Variants in IQCM observed in about 807,000 individuals in gnomAD.
IQCM encodes the protein IQ motif containing M.
In IQCM, 45 loss-of-function variants were observed where a neutral mutation model predicts 57.6. The ratio of observed to expected loss-of-function variants is 0.78; its 90% CI spans 0.62 to 1.00. IQCM has a LOEUF of 1.00. Ranked by LOEUF, IQCM falls within the 50% of genes least tolerant of loss-of-function variation. The pLI, the probability that IQCM is intolerant of heterozygous loss-of-function variation, is 0.00. For synonymous variants in IQCM, 148 were observed against 158.9 expected, an observed-to-expected ratio of 0.93 and a Z score of 0.51; for missense variants, 468 against 511.6, an observed-to-expected ratio of 0.91 and a Z score of 0.82.
intron 13 of IQCM, among the ~76,000 whole-genome samples, chr4:149,430,766 G>C (rs1277660220): frequency 2.0e-5 from 3 of 151,862 alleles, no homozygotes. Context: ...TATTTGAGTT[G>C]TTTCTATTAG....
intron 8 of IQCM, among the ~76,000 whole-genome samples, chr4:149,612,576 AC>A (rs1374677082): frequency 6.6e-6 from 1 of 152,148 alleles, no homozygotes; most frequent in Non-Finnish European, 1.5e-5. Flanking sequence ...CAAAGCAGGA[AC>A]AATTCCTGTG....
At chr4:149,674,392 T>C (rs1054158671) in intron 7 of IQCM, among the ~76,000 whole-genome samples, 1 of 152,150 alleles carries the variant, frequency 6.6e-6, no homozygotes, top group Non-Finnish European at 1.5e-5. Context: ...AATCAGTCAA[T>C]GCTAACTGCC....
intron 13 of IQCM, among the ~76,000 whole-genome samples, chr4:149,367,598 A>T (rs1729932744): frequency 6.6e-6 from 1 of 152,008 alleles, no homozygotes; most frequent in South Asian, 2.1e-4. Context: ...CAGTTTTACC[A>T]ACTAAAAATA....
chr4:149,641,860 A>T (rs1758221675), intron 7 of IQCM, among the ~76,000 whole-genome samples: 1 of 152,184 alleles, frequency 6.6e-6, no homozygotes. Context: ...TTGGGGATAA[A>T]AAAAGATCAT....
chr4:149,544,172 A>G (rs1377005937), intron 12 of IQCM, among the ~76,000 whole-genome samples: 1 of 152,168 alleles, frequency 6.6e-6, no homozygotes, highest in African/African-American at 2.4e-5. Context: ...CTTTGTGGTG[A>G]CATTATCTCT....
intron 10 of IQCM, among the ~76,000 whole-genome samples, chr4:149,557,831 G>A (rs1405397373): frequency 6.6e-6 from 1 of 152,152 alleles, no homozygotes; most frequent in African/African-American, 2.4e-5. Context: ...CATCTTTCTT[G>A]TATTGACAAC....
At chr4:149,491,002 C>T (rs996156540) in intron 12 of IQCM, among the ~76,000 whole-genome samples, 5 of 152,036 alleles carry the variant, frequency 3.3e-5, no homozygotes, top group Non-Finnish European at 7.4e-5. Flanking sequence ...CTCTTATGCT[C>T]ATAAAGTACG....
intron 12 of IQCM, among the ~76,000 whole-genome samples, chr4:149,482,200 A>G (rs1740981373): frequency 1.3e-5 from 2 of 151,972 alleles, no homozygotes. Context: ...GGCTTTTCCA[A>G]ATATAAGATC....
chr4:149,777,422 G>T (rs1771195978), intron 2 of IQCM, among the ~76,000 whole-genome samples: 1 of 152,136 alleles, frequency 6.6e-6, no homozygotes, highest in South Asian at 2.1e-4. Context: ...CATTTTATAT[G>T]CCTGTTTTTC....
At chr4:149,431,112 C>G (rs1357332536) in intron 13 of IQCM, among the ~76,000 whole-genome samples, 2 of 151,564 alleles carry the variant, frequency 1.3e-5, no homozygotes, top group East Asian at 3.9e-4. Flanking sequence ...GGTTGAGACA[C>G]AAGAATCACT....
chr4:149,532,595 T>C (rs929240690), intron 12 of IQCM, among the ~76,000 whole-genome samples: 1 of 151,336 alleles, frequency 6.6e-6, no homozygotes, highest in African/African-American at 2.4e-5. Flanking sequence ...TGTGGGGGCA[T>C]ATACTACCTC....
intron 12 of IQCM, among the ~76,000 whole-genome samples, chr4:149,450,269 T>C (rs1278037138): frequency 3.3e-5 from 5 of 151,770 alleles, no homozygotes; most frequent in African/African-American, 1.2e-4. Context: ...CCAGAAAACA[T>C]TGGGAGGAAT....
intron 5 of IQCM, among the ~76,000 whole-genome samples, chr4:149,710,612 A>G (rs1764487898): frequency 6.6e-6 from 1 of 152,052 alleles, no homozygotes; most frequent in African/African-American, 2.4e-5. Flanking sequence ...AACCGTCACT[A>G]TTTTCTCAAT....
chr4:149,483,616 A>C (rs957942569), intron 12 of IQCM, among the ~76,000 whole-genome samples: 4 of 151,850 alleles, frequency 2.6e-5, no homozygotes, highest in Admixed American at 2.6e-4. Flanking sequence ...GTTTTATTCT[A>C]TTGTGGGAAG....
intron 12 of IQCM, among the ~76,000 whole-genome samples, chr4:149,491,460 C>A (rs1271343572): frequency 6.6e-6 from 1 of 152,090 alleles, no homozygotes; most frequent in African/African-American, 2.4e-5. Context: ...CTACTTTCTA[C>A]TTCTATGAGT....
chr4:149,769,754 T>A (rs1183751201), intron 2 of IQCM, among the ~76,000 whole-genome samples: 2 of 151,946 alleles, frequency 1.3e-5, no homozygotes, highest in Non-Finnish European at 2.9e-5. Flanking sequence ...TGCTTAGGTT[T>A]ATGCACCTAA....
At chr4:149,531,086 G>A (rs898066778) in intron 12 of IQCM, among the ~76,000 whole-genome samples, 1 of 152,044 alleles carries the variant, frequency 6.6e-6, no homozygotes, top group Non-Finnish European at 1.5e-5. Flanking sequence ...TGGGATTCAT[G>A]TGAAAAAGTT....
At chr4:149,777,102 A>T (rs1771162107) in intron 2 of IQCM, among the ~76,000 whole-genome samples, 1 of 152,158 alleles carries the variant, frequency 6.6e-6, no homozygotes, top group Admixed American at 6.5e-5. Context: ...CAAATTCCAA[A>T]GCTACTATTA....
At chr4:149,521,467 T>C (rs1261837807) in intron 12 of IQCM, among the ~76,000 whole-genome samples, 1 of 152,230 alleles carries the variant, frequency 6.6e-6, no homozygotes, top group Non-Finnish European at 1.5e-5. Flanking sequence ...AAAATCAATC[T>C]ACTTTTAGTA....
Sources: allele counts gnomAD v4.1 joint callset (sites outside exome capture counted in the v4.1 genomes callset), GRCh38; gene constraint gnomAD v4.1.1; transcripts MANE v1.5; gene names NCBI Gene and HGNC (gene_info 2026-07-23, HGNC 2026-07-21).